ADGRL2: variants seen among roughly 807,000 people sequenced by gnomAD.
The protein encoded by ADGRL2 is calcium-independent alpha-latrotoxin receptor 2.
Under a neutral mutation model 157.4 loss-of-function variants are expected in ADGRL2, and 44 were observed. That is an observed-to-expected ratio of 0.28 (90% CI 0.22 to 0.36). The LOEUF is 0.36. ADGRL2 is among the 10% of genes least tolerant of loss of function. ADGRL2 has a pLI of 1.00. For synonymous variants in ADGRL2, 585 were observed against 624.7 expected, an observed-to-expected ratio of 0.94 and a Z score of 0.95; for missense variants, 1,510 against 1,768.9, an observed-to-expected ratio of 0.85 and a Z score of 2.63.
chr1:81,890,581 G>T (rs1216965230), intron 2 of ADGRL2, among the ~76,000 whole-genome samples: 1 of 152,112 alleles, frequency 6.6e-6, no homozygotes, highest in African/African-American at 2.4e-5. Flanking sequence ...GTTGGGAGAG[G>T]TGGGGATTAG....
At chr1:81,923,678 C>T (rs970457088) in intron 3 of ADGRL2, among the ~76,000 whole-genome samples, 3 of 151,914 alleles carry the variant, frequency 2.0e-5, no homozygotes, top group Admixed American at 2.0e-4. Context: ...ATTAAAAAAC[C>T]TTCAGTAAAA....
chr1:81,377,030 A>C (rs1297166099), intron 1 of ADGRL2, among the ~76,000 whole-genome samples: 1 of 152,024 alleles, frequency 6.6e-6, no homozygotes, highest in Non-Finnish European at 1.5e-5. Flanking sequence ...TCTCCAAAAA[A>C]AATTTTTTTT....
intron 2 of ADGRL2, among the ~76,000 whole-genome samples, chr1:81,863,145 G>A (rs1328169495): frequency 1.3e-5 from 2 of 152,200 alleles, no homozygotes; most frequent in Non-Finnish European, 2.9e-5. Context: ...GCTAGCTGGT[G>A]TCAGACATGA....
chr1:81,909,508 C>T (rs553850456), intron 3 of ADGRL2, among the ~76,000 whole-genome samples: 7 of 152,300 alleles, frequency 4.6e-5, no homozygotes, highest in African/African-American at 1.7e-4. Flanking sequence ...AGATTAAACA[C>T]TTTCTGGCTT....
chr1:81,747,123 A>G (rs2085307043), intron 1 of ADGRL2, among the ~76,000 whole-genome samples: 1 of 144,172 alleles, frequency 6.9e-6, no homozygotes, highest in South Asian at 2.2e-4. Flanking sequence ...ATATATGTGT[A>G]TATATGTATA....
chr1:81,821,168 C>G (rs1364474285), intron 1 of ADGRL2, among the ~76,000 whole-genome samples: 1 of 152,074 alleles, frequency 6.6e-6, no homozygotes, highest in Admixed American at 6.6e-5. Context: ...AATATGACAT[C>G]CTTAAAAAGA....
intron 1 of ADGRL2, among the ~76,000 whole-genome samples, chr1:81,327,957 C>T (rs1260427716): frequency 1.3e-5 from 2 of 152,098 alleles, no homozygotes; most frequent in Non-Finnish European, 2.9e-5. Context: ...TTTGACAGCC[C>T]CCAGCTGACC....
intron 2 of ADGRL2, among the ~76,000 whole-genome samples, chr1:81,868,444 A>G (rs944438130): frequency 2.0e-5 from 3 of 151,796 alleles, no homozygotes; most frequent in Non-Finnish European, 4.4e-5. Flanking sequence ...TAGGCACACA[A>G]CTCTAAGCAG....
chr1:81,902,530 G>C (rs2094505940), intron 2 of ADGRL2, among the ~76,000 whole-genome samples: 1 of 152,116 alleles, frequency 6.6e-6, no homozygotes, highest in Non-Finnish European at 1.5e-5. Context: ...CCTGGTGGGT[G>C]GAGGTTGCAG....
chr1:81,752,349 G>A (rs976311237), intron 1 of ADGRL2, among the ~76,000 whole-genome samples: 1 of 152,152 alleles, frequency 6.6e-6, no homozygotes, highest in African/African-American at 2.4e-5. Flanking sequence ...TTTTGTTATA[G>A]CAGCCCAAAT....
intron 2 of ADGRL2, among the ~76,000 whole-genome samples, chr1:81,479,440 G>A (rs779454491): frequency 3.3e-5 from 5 of 151,984 alleles, no homozygotes; most frequent in Non-Finnish European, 7.4e-5. Context: ...CCAAGATCGC[G>A]CCATTGCACT....
At chr1:81,986,826 C>G (rs1387457773) in intron 21 of ADGRL2, 75 bp from the exon 22 acceptor site, 5 of 1,471,330 alleles carry the variant, frequency 3.4e-6, no homozygotes, top group Non-Finnish European at 4.6e-6. Flanking sequence ...AAATAGTTGA[C>G]TACAACTGTA....
chr1:81,745,837 G>A (rs969774701), intron 1 of ADGRL2, among the ~76,000 whole-genome samples: 2 of 152,086 alleles, frequency 1.3e-5, no homozygotes, highest in African/African-American at 2.4e-5. Context: ...CATCCAGGGG[G>A]TAGTTGGCTA....
intron 3 of ADGRL2, among the ~76,000 whole-genome samples, chr1:81,693,746 A>C (rs1330600650): frequency 2.0e-5 from 3 of 152,230 alleles, no homozygotes; most frequent in Non-Finnish European, 4.4e-5. Context: ...ACATTAATTC[A>C]AAGTCCAGAG....
intron 3 of ADGRL2, among the ~76,000 whole-genome samples, chr1:81,687,788 AAAC>A (rs2148978480): frequency 6.6e-6 from 1 of 152,184 alleles, no homozygotes; most frequent in African/African-American, 2.4e-5. Context: ...TTTAAAGAGG[AAAC>A]ACAAGAAAAT....
At chr1:81,395,853 A>T (rs1201917455) in intron 1 of ADGRL2, among the ~76,000 whole-genome samples, 1 of 152,174 alleles carries the variant, frequency 6.6e-6, no homozygotes, top group Non-Finnish European at 1.5e-5. Context: ...GTTAGCCGTA[A>T]ATATGTGAAT....
At chr1:81,747,800 G>C (rs2085351806) in intron 1 of ADGRL2, among the ~76,000 whole-genome samples, 1 of 151,438 alleles carries the variant, frequency 6.6e-6, no homozygotes, top group South Asian at 2.1e-4. Flanking sequence ...CATAAGACTG[G>C]TAGATTTCTT....
rs1018727123 is a variant in ADGRL2 at position 81,664,404 on chromosome 1, C to T, written c.-143+83424C>T. 1.4e-4 allele frequency among the ~76,000 whole-genome samples: 21 copies of T among 152,224 alleles called. 1 individual carries two copies. Among genetic ancestry groups the T allele is most frequent in the African/African-American group, 5.1e-4 (21 of 41,542 alleles). On this transcript the variant is annotated intron_variant, in intron 3 of 24. Transcript: ENST00000370721. Reference sequence around the variant, plus strand: ...ATTTTTAAAAGCCCAAGTAGAGAAACCCATAATTCTACTTTAGTTTCACCA... The same window carrying T: ...ATTTTTAAAAGCCCAAGTAGAGAAATCCATAATTCTACTTTAGTTTCACCA...
At chr1:81,445,770 C>T (rs2077586388) in intron 2 of ADGRL2, among the ~76,000 whole-genome samples, 1 of 152,100 alleles carries the variant, frequency 6.6e-6, no homozygotes, top group Non-Finnish European at 1.5e-5. Flanking sequence ...TGTCATTTAC[C>T]AGCTATGTGG....
Sources: gnomAD v4.1 joint callset for allele counts (sites outside exome capture counted in the v4.1 genomes callset) on GRCh38, gnomAD v4.1.1 for gene constraint, MANE v1.5 for transcripts, NCBI Gene and HGNC (gene_info 2026-07-23, HGNC 2026-07-21) for gene names.